ALDH1A2: variants seen among roughly 807,000 people sequenced by gnomAD.
ALDH1A2 encodes the protein retinal dehydrogenase 2.
A neutral mutation model predicts 60.3 loss-of-function variants in ALDH1A2; 27 were observed. The observed-to-expected ratio is 0.45, with a 90% CI of 0.33 to 0.62. The LOEUF is 0.62. Ranked by LOEUF, ALDH1A2 falls within the 20% of genes least tolerant of loss-of-function variation. The pLI, the probability that ALDH1A2 is intolerant of heterozygous loss-of-function variation, is 0.02. For missense variants in ALDH1A2, 581 were observed against 643.8 expected (o/e 0.90, Z 1.06); for synonymous variants, 289 against 232.4 (o/e 1.24, Z -2.21).
At chr15:57,991,591 G>C (rs1447853601) in intron 7 of ALDH1A2, 15 of 152,198 alleles carry the variant, frequency 9.9e-5, no homozygotes, top group Non-Finnish European at 8.8e-5. Flanking sequence ...CTGAAGAGAT[G>C]TGCTGTCAAT....
intron 7 of ALDH1A2, among the ~76,000 whole-genome samples, chr15:57,987,012 G>A (rs1894725890): frequency 6.6e-6 from 1 of 152,140 alleles, no homozygotes; most frequent in African/African-American, 2.4e-5. Flanking sequence ...AAGGGGTGTA[G>A]CGAGGAAGAA....
At chr15:58,007,323 T>G (rs1037235169) in intron 4 of ALDH1A2, among the ~76,000 whole-genome samples, 3 of 151,956 alleles carry the variant, frequency 2.0e-5, no homozygotes, top group Non-Finnish European at 4.4e-5. Context: ...AACCATATAT[T>G]AGTATAAAAA....
intron 1 of ALDH1A2, among the ~76,000 whole-genome samples, chr15:58,042,069 A>G (rs1027687865): frequency 3.9e-5 from 6 of 152,092 alleles, no homozygotes; most frequent in Admixed American, 1.3e-4. Context: ...AGACACAAAC[A>G]TTCAGACTGT....
rs77461359 is a variant in ALDH1A2 at position 57,988,213 on chromosome 15, A to T, written c.798+4492T>A. ...TAACACAAAGGATGAGATTGGAACA[A>T]TGCTGCTGTATGGTTACCACACTGT... On this transcript the variant is annotated intron_variant, in intron 7 of 12. Transcript: ENST00000249750. 3.8e-3 allele frequency among the ~76,000 whole-genome samples: 574 copies of T among 152,360 alleles called. 4 individuals are homozygous for T. The highest frequency in any genetic ancestry group is 0.013 in the African/African-American group (544 of 41,588).
At chr15:58,059,379 A>C (rs1774462920) in intron 1 of ALDH1A2, among the ~76,000 whole-genome samples, 1 of 152,190 alleles carries the variant, frequency 6.6e-6, no homozygotes, top group African/African-American at 2.4e-5. Flanking sequence ...TACTTTCTGG[A>C]AGGTGACTGC....
intron 1 of ALDH1A2, among the ~76,000 whole-genome samples, chr15:58,062,646 C>G (rs1446125955): frequency 6.6e-6 from 1 of 152,156 alleles, no homozygotes; most frequent in Non-Finnish European, 1.5e-5. Flanking sequence ...AATTGGTCCC[C>G]TCAATACTTC....
At chr15:57,980,948 A>G (rs1894479449) in intron 7 of ALDH1A2, among the ~76,000 whole-genome samples, 1 of 152,120 alleles carries the variant, frequency 6.6e-6, no homozygotes, top group Non-Finnish European at 1.5e-5. Context: ...GCTATTAATT[A>G]TTGCCTCAAT....
At chr15:57,989,890 T>A (rs1376187232) in intron 7 of ALDH1A2, among the ~76,000 whole-genome samples, 2 of 151,616 alleles carry the variant, frequency 1.3e-5, no homozygotes, top group Non-Finnish European at 2.9e-5. Flanking sequence ...GCCGTTTGTA[T>A]AATCTTAAAG....
intron 1 of ALDH1A2, among the ~76,000 whole-genome samples, chr15:58,064,380 T>C (rs1162684325): frequency 2.6e-5 from 4 of 152,212 alleles, no homozygotes; most frequent in African/African-American, 9.6e-5. Context: ...CGCCCTGATT[T>C]GTAACCTAAA....
At chr15:57,999,432 G>GA (rs529848892) in intron 4 of ALDH1A2, among the ~76,000 whole-genome samples, 2 of 151,848 alleles carry the variant, frequency 1.3e-5, no homozygotes, top group South Asian at 2.1e-4. Context: ...CAAAAAACAT[G>GA]AAAAAAAGCT....
chr15:58,024,590 C>A (rs995196819), intron 1 of ALDH1A2, among the ~76,000 whole-genome samples: 1 of 152,094 alleles, frequency 6.6e-6, no homozygotes, highest in Admixed American at 6.6e-5. Context: ...TCTAAATAGA[C>A]AGACTACAAT....
chr15:58,019,277 A>G (rs1290645432), intron 1 of ALDH1A2, among the ~76,000 whole-genome samples: 1 of 151,726 alleles, frequency 6.6e-6, no homozygotes, highest in Admixed American at 6.6e-5. Context: ...GTTTCTTTAA[A>G]TGTGACTTTG....
chr15:58,027,664 G>T (rs1469911780), intron 1 of ALDH1A2, among the ~76,000 whole-genome samples: 1 of 152,106 alleles, frequency 6.6e-6, no homozygotes, highest in African/African-American at 2.4e-5. Context: ...AAGGTTAGAT[G>T]AATGGCTAAC....
chr15:58,061,615 A>AAAAAAAAC (rs1897039990), intron 1 of ALDH1A2, among the ~76,000 whole-genome samples: 2 of 146,116 alleles, frequency 1.4e-5, no homozygotes, highest in Non-Finnish European at 3.0e-5. Context: ...AAAAACAAAA[A>AAAAAAAAC]AAAAAAAAAA....
intron 1 of ALDH1A2, among the ~76,000 whole-genome samples, chr15:58,022,025 C>T (rs2140528189): frequency 6.6e-6 from 1 of 152,276 alleles, no homozygotes; most frequent in Middle Eastern, 3.4e-3. Flanking sequence ...AGGCTGTGGC[C>T]ACTGATGATG....
At chr15:58,001,247 C>T (rs1895257589) in intron 4 of ALDH1A2, among the ~76,000 whole-genome samples, 1 of 151,836 alleles carries the variant, frequency 6.6e-6, no homozygotes, top group African/African-American at 2.4e-5. Flanking sequence ...GGATCTGGGT[C>T]TTCAGACTTC....
At chr15:58,011,159 G>A (rs1296951732) in intron 3 of ALDH1A2, among the ~76,000 whole-genome samples, 3 of 152,148 alleles carry the variant, frequency 2.0e-5, no homozygotes, top group Non-Finnish European at 4.4e-5. Flanking sequence ...AAGAGGAGCA[G>A]AAACATGGGC....
intron 1 of ALDH1A2, among the ~76,000 whole-genome samples, chr15:58,064,453 A>G (rs1352107632): frequency 6.6e-6 from 1 of 152,196 alleles, no homozygotes; most frequent in African/African-American, 2.4e-5. Flanking sequence ...TTCAACCACT[A>G]AGCCAGATGC....
At chr15:57,967,982 C>T (rs1893949243) in intron 7 of ALDH1A2, among the ~76,000 whole-genome samples, 1 of 152,112 alleles carries the variant, frequency 6.6e-6, no homozygotes, top group Non-Finnish European at 1.5e-5. Flanking sequence ...GGAACTCACA[C>T]CGAAGGGCAA....
Sources: allele counts gnomAD v4.1 joint callset (sites outside exome capture counted in the v4.1 genomes callset), GRCh38; gene constraint gnomAD v4.1.1; transcripts MANE v1.5; gene names NCBI Gene and HGNC (gene_info 2026-07-23, HGNC 2026-07-21).